GIMD1: variants seen among roughly 807,000 people sequenced by gnomAD.
GIMD1 encodes GIMAP family P-loop NTPase domain containing 1, also known as GTPase IMAP family member GIMD1.
In GIMD1, 14 loss-of-function variants were observed where a neutral mutation model predicts 14.9. That is an observed-to-expected ratio of 0.94 (90% confidence interval 0.62 to 1.47). The LOEUF (loss-of-function observed/expected upper bound fraction) is 1.47, where lower values mean the gene tolerates loss of function less well. Ranked by LOEUF, GIMD1 falls within the 40% of genes most tolerant of loss-of-function variation. The pLI, the probability that GIMD1 is intolerant of heterozygous loss-of-function variation, is 0.00. For missense variants in GIMD1, 272 were observed against 255.3 expected (o/e 1.07, Z -0.44); for synonymous variants, 91 against 90.5 (o/e 1.01, Z -0.03).
chr4:106,363,449 T>C (rs150080407), intron 2 of GIMD1, among the ~76,000 whole-genome samples: 2 of 152,290 alleles, frequency 1.3e-5, no homozygotes, highest in African/African-American at 4.8e-5. Context: ...AGTAGTTCAT[T>C]TGAATGAGTA....
intron 2 of GIMD1, among the ~76,000 whole-genome samples, chr4:106,360,544 C>A (rs545838103): frequency 6.6e-6 from 1 of 152,000 alleles, no homozygotes; most frequent in East Asian, 1.9e-4. Flanking sequence ...AGTAAATGAG[C>A]AGTGATGTTA....
chr4:106,366,356 A>G (rs961199152), intron 2 of GIMD1, among the ~76,000 whole-genome samples: 2 of 152,120 alleles, frequency 1.3e-5, no homozygotes, highest in Non-Finnish European at 2.9e-5. Context: ...TGGTTTGCTT[A>G]TCTAATTTTC....
chr4:106,364,947 C>G (rs1214981932), intron 2 of GIMD1, among the ~76,000 whole-genome samples: 1 of 152,060 alleles, frequency 6.6e-6, no homozygotes, highest in Non-Finnish European at 1.5e-5. Flanking sequence ...TTAAAATAAC[C>G]TTTTGGGCTC....
In GIMD1 at chr4:106,367,075, G is replaced by A; in HGVS notation, c.361C>T (p.Gln121Ter). 6.5e-7 allele frequency: 1 copy of A among 1,532,796 alleles called. No individual in the cohort carries two copies. The highest frequency in any genetic ancestry group is 8.7e-7 in the Non-Finnish European group (1 of 1,145,130). The allele number at this position is 1,532,796 out of a possible 1,614,324, so 94.9% of individuals were successfully genotyped here. A position where few individuals can be genotyped will look rare whatever the true frequency, so the allele number is the denominator to read the frequency against. The change falls in exon 2 of 3, where the codon CAG becomes TAG. Residue 121 changes from glutamine to a stop codon, truncating the protein, a stop_gained. Transcript: ENST00000638719. LOFTEE classifies it high-confidence loss of function. ...VQRADVPFCG[Q>*]EVTDPVQMIQ... is the part of the protein sequence containing the mutation. ...ATCTGGACTGGGTCAGTTACTTCCT[G>A]CCCACAGAAAGGCACATCTGCTCTC...
chr4:106,368,612 G>A, intron 1 of GIMD1, 98 bp downstream of exon 1: 1 of 394,596 alleles, frequency 2.5e-6, no homozygotes, highest in Non-Finnish European at 4.5e-6. Context: ...GTCAACTGCA[G>A]TGAGATGCAG....
chr4:106,364,245 A>G (rs570947604), intron 2 of GIMD1, among the ~76,000 whole-genome samples: 1 of 152,278 alleles, frequency 6.6e-6, no homozygotes, highest in African/African-American at 2.4e-5. Context: ...TAAAGAGACA[A>G]CCGGGAGGCA....
intron 2 of GIMD1, among the ~76,000 whole-genome samples, chr4:106,362,014 CCACCAGA>C (rs1314903399): frequency 6.6e-6 from 1 of 151,992 alleles, no homozygotes; most frequent in East Asian, 1.9e-4. Flanking sequence ...CTTTTGGTCT[CCACCAGA>C]CATTTCCCAT....
intron 2 of GIMD1, among the ~76,000 whole-genome samples, chr4:106,358,684 TATG>T (rs1002640172): frequency 1.3e-5 from 2 of 151,916 alleles, no homozygotes; most frequent in Non-Finnish European, 2.9e-5. Context: ...TTTATTTTAC[TATG>T]ATAATTGATA....
At chr4:106,368,246 C>T (rs1441354086) in intron 1 of GIMD1, among the ~76,000 whole-genome samples, 1 of 152,048 alleles carries the variant, frequency 6.6e-6, no homozygotes, top group Non-Finnish European at 1.5e-5. Flanking sequence ...ATGTACAATA[C>T]CTGTACAGTG....
chr4:106,368,603 TC>T, intron 1 of GIMD1, 106 bp downstream of exon 1: 1 of 393,688 alleles, frequency 2.5e-6, no homozygotes, highest in Non-Finnish European at 4.5e-6. Context: ...TTCAGTGGTG[TC>T]AACTGCAGTG....
Position 106,358,459 on chromosome 4 carries a change from T to C in GIMD1, c.394-16A>G. 18 of 1,496,040 alleles carry C rather than the reference T, an allele frequency of 1.2e-5. No homozygotes were observed. Among genetic ancestry groups the C allele is most frequent in the Non-Finnish European group, 1.6e-5 (18 of 1,131,914 alleles). The allele number at this position is 1,496,040 out of a possible 1,614,324, so 92.7% of individuals were successfully genotyped here. A position where few individuals can be genotyped will look rare whatever the true frequency, so the allele number is the denominator to read the frequency against. ...CAAGAAGTTCCTGAAAGAGAGAAGT[T>C]AGATAACTATTGAACTTGAACTATA... is the stretch of plus-strand genomic sequence containing the variant. On this transcript the variant is annotated splice_polypyrimidine_tract_variant and intron_variant, in intron 2 of 2. Transcript: ENST00000638719.
intron 1 of GIMD1, among the ~76,000 whole-genome samples, chr4:106,368,000 T>G (rs1192819426): frequency 6.6e-6 from 1 of 152,188 alleles, no homozygotes; most frequent in Non-Finnish European, 1.5e-5. Context: ...GCTTCTTTCC[T>G]ATGAAATATG....
chr4:106,363,912 G>A (rs781340425), intron 2 of GIMD1, among the ~76,000 whole-genome samples: 1 of 149,714 alleles, frequency 6.7e-6, no homozygotes, highest in South Asian at 2.1e-4. Flanking sequence ...ATGGACCATA[G>A]GCAATACCTA....
Sources: gnomAD v4.1 joint callset for allele counts (sites outside exome capture counted in the v4.1 genomes callset) on GRCh38, gnomAD v4.1.1 for gene constraint, MANE v1.5 for transcripts, NCBI Gene and HGNC (gene_info 2026-07-23, HGNC 2026-07-21) for gene names.